The following CD109 variants were observed in gnomAD, a reference collection of about 807,000 sequenced individuals.
CD109 encodes the protein CD109 molecule, also known as CD109 antigen.
A neutral mutation model predicts 165.8 loss-of-function variants in CD109; 149 were observed. The ratio of observed to expected loss-of-function variants is 0.90; its 90% CI spans 0.79 to 1.03. CD109 has a LOEUF of 1.03. CD109 is among the 50% of genes least tolerant of loss of function. The pLI, the probability that CD109 is intolerant of heterozygous loss-of-function variation, is 0.00. For synonymous variants in CD109, 585 were observed against 592.1 expected, an observed-to-expected ratio of 0.99 and a Z score of 0.18; for missense variants, 1,712 against 1,677.8, an observed-to-expected ratio of 1.02 and a Z score of -0.36.
At chr6:73,814,806 C>T (rs764217040) in intron 29 of CD109, among the ~76,000 whole-genome samples, 175 bp from the exon 30 acceptor site, 2 of 152,022 alleles carry the variant, frequency 1.3e-5, no homozygotes, top group South Asian at 4.1e-4. Flanking sequence ...AATTTTAATA[C>T]TATTTGTTAA....
At chr6:73,783,362 TC>T (rs1774575137) in intron 18 of CD109, among the ~76,000 whole-genome samples, 1 of 152,230 alleles carries the variant, frequency 6.6e-6, no homozygotes, top group Non-Finnish European at 1.5e-5. Context: ...GAGAAAAACT[TC>T]TGCAAATTTA....
intron 4 of CD109, among the ~76,000 whole-genome samples, chr6:73,734,385 T>C (rs1372212133): frequency 3.9e-5 from 6 of 152,238 alleles, no homozygotes; most frequent in Admixed American, 3.9e-4. Context: ...CCAAGAATTA[T>C]TGTTATTATT....
intron 30 of CD109, among the ~76,000 whole-genome samples, chr6:73,816,387 G>T (rs1775937529): frequency 6.6e-6 from 1 of 152,074 alleles, no homozygotes; most frequent in Admixed American, 6.5e-5. Context: ...GCCAGGCACG[G>T]CACCAAACAC....
At position 73,723,266 on chromosome 6, in the gene CD109, T is replaced by C. The variant is rs1772026842; in HGVS notation, c.263T>C (p.Leu88Pro). ...TTCCTTGTAGGCTCTTTTAAGACAC[T>C]TACTCTTCCATCAGTAAGTATCCAT... ...GVFEKGSFKT[L>P]TLPSLPLNSA... is the part of the protein sequence containing the mutation. Residue 88 changes from leucine (L) to proline (P), a missense_variant, in exon 3 of 33, where the codon CTT becomes CCT. Transcript: ENST00000287097. 2 of 1,612,694 alleles carry C rather than the reference T, an allele frequency of 1.2e-6. No individual in the cohort carries two copies. Among genetic ancestry groups the C allele is most frequent in the Non-Finnish European group, 1.7e-6 (2 of 1,179,408 alleles).
chr6:73,785,001 C>A (rs370904803), intron 19 of CD109, among the ~76,000 whole-genome samples: 6 of 152,032 alleles, frequency 3.9e-5, no homozygotes, highest in Non-Finnish European at 7.4e-5. Context: ...CCTCTACTTG[C>A]CAGCAATATG....
chr6:73,751,374 G>T (rs192518849), intron 5 of CD109, among the ~76,000 whole-genome samples: 1 of 152,034 alleles, frequency 6.6e-6, no homozygotes, highest in Non-Finnish European at 1.5e-5. Context: ...CCTCCAAATG[G>T]CAGCTCATAA....
Position 73,806,851 on chromosome 6 carries a change from G to A in CD109, c.2968G>A (p.Ala990Thr). 2 of 1,611,798 alleles carry A rather than the reference G, an allele frequency of 1.2e-6. No homozygotes were observed. Among genetic ancestry groups the A allele is most frequent in the South Asian group, 2.2e-5 (2 of 90,774 alleles). ...TTTTCTCTTTTCATAAAGGTTGTCA[G>A]CTTTTGTTTTAAGATGTTTCCTTGA... ...YDPSGSTWLS[A>T]FVLRCFLEAD... The change falls in exon 25 of 33, where the codon GCT (alanine) becomes ACT (threonine). Residue 990 changes from alanine (A) to threonine (T), a missense_variant. Transcript: ENST00000287097.
chr6:73,765,866 G>C (rs796836353), intron 10 of CD109, 64 bp from the exon 11 acceptor site: 5 of 1,177,918 alleles, frequency 4.2e-6, no homozygotes, highest in Non-Finnish European at 6.2e-6. Context: ...TACTACAGAC[G>C]GAAACTGTAT....
chr6:73,792,487 C>T (rs12662725), intron 22 of CD109, 139 bp from the exon 23 acceptor site: 266,428 of 740,052 alleles, frequency 0.36, 49,092 homozygotes, highest in African/African-American at 0.47. Flanking sequence ...GTGTAAAGTT[C>T]CAACTCTGTT....
At chr6:73,683,887 G>C in the CD109 span, among the ~76,000 whole-genome samples, 1 of 152,054 alleles carries the variant, frequency 6.6e-6, no homozygotes, top group East Asian at 1.9e-4. Context: ...GAACAGCATG[G>C]GAAAGACCTG....
intron 23 of CD109, among the ~76,000 whole-genome samples, chr6:73,798,582 A>G (rs1469283351): frequency 6.6e-6 from 1 of 151,936 alleles, no homozygotes; most frequent in Non-Finnish European, 1.5e-5. Flanking sequence ...TTTCTCCCTT[A>G]CTTTTCCATG....
At chr6:73,699,536 A>G (rs909368724) in intron 2 of CD109, among the ~76,000 whole-genome samples, 2 of 152,080 alleles carry the variant, frequency 1.3e-5, no homozygotes, top group African/African-American at 4.8e-5. Flanking sequence ...GATCTCTGTT[A>G]TCAGTCTCTC....
At chr6:73,814,307 T>G (rs1233582550) in intron 29 of CD109, among the ~76,000 whole-genome samples, 1 of 152,088 alleles carries the variant, frequency 6.6e-6, no homozygotes, top group Non-Finnish European at 1.5e-5. Flanking sequence ...TAGATTCCAG[T>G]CCATCTGGAG....
intron 14 of CD109, among the ~76,000 whole-genome samples, chr6:73,771,037 C>T (rs1237598611): frequency 3.3e-5 from 5 of 152,126 alleles, no homozygotes; most frequent in Admixed American, 1.3e-4. Context: ...TCTGAGCTCA[C>T]GTCACCAACA....
intron 2 of CD109, among the ~76,000 whole-genome samples, chr6:73,722,928 G>A (rs144230527): frequency 7.9e-5 from 12 of 152,240 alleles, no homozygotes; most frequent in Non-Finnish European, 1.0e-4. Context: ...GAAGTGTCCC[G>A]CAAGCACGTA....
At chr6:73,712,208 C>CA (rs3045855) in intron 2 of CD109, among the ~76,000 whole-genome samples, 22,419 of 151,336 alleles carry the variant, frequency 0.15, 2,178 homozygotes, top group East Asian at 0.41. Flanking sequence ...GACTCCGTCT[C>CA]AAAAAAAAAA....
At chr6:73,805,720 C>T (rs1205558872) in intron 24 of CD109, among the ~76,000 whole-genome samples, 1 of 152,140 alleles carries the variant, frequency 6.6e-6, no homozygotes, top group Non-Finnish European at 1.5e-5. Context: ...TCCCTGGGTA[C>T]TTGAGATTAG....
At chr6:73,775,832 A>G (rs894580902) in intron 15 of CD109, among the ~76,000 whole-genome samples, 13 of 152,114 alleles carry the variant, frequency 8.5e-5, no homozygotes, top group African/African-American at 3.1e-4. Context: ...CCATCCATGT[A>G]CCTGCAAAGG....
intron 23 of CD109, among the ~76,000 whole-genome samples, chr6:73,795,428 A>T (rs1167259203): frequency 6.6e-6 from 1 of 152,090 alleles, no homozygotes; most frequent in Non-Finnish European, 1.5e-5. Context: ...TACAAAATGA[A>T]TGGTCCAAAT....
Sources: allele counts gnomAD v4.1 joint callset (sites outside exome capture counted in the v4.1 genomes callset), GRCh38; gene constraint gnomAD v4.1.1; transcripts MANE v1.5; gene names NCBI Gene and HGNC (gene_info 2026-07-23, HGNC 2026-07-21).